Variants in ZNF407 observed in about 807,000 individuals in gnomAD.
The protein encoded by ZNF407 is zinc finger protein 407.
Under a neutral mutation model 131.2 loss-of-function variants are expected in ZNF407, and 17 were observed. The observed-to-expected ratio is 0.13, with a 90% CI of 0.09 to 0.19. ZNF407 has a LOEUF of 0.19. Among genes scored for constraint, ZNF407 ranks in the 10% least tolerant of loss-of-function variants. The pLI is 1.00. For synonymous variants in ZNF407, 1,156 were observed against 1,062.0 expected, an observed-to-expected ratio of 1.09 and a Z score of -1.72; for missense variants, 2,681 against 2,830.6, an observed-to-expected ratio of 0.95 and a Z score of 1.20.
intron 3 of ZNF407, among the ~76,000 whole-genome samples, chr18:74,751,700 A>G (rs1968807645): frequency 6.6e-6 from 1 of 152,096 alleles, no homozygotes; most frequent in Non-Finnish European, 1.5e-5. Context: ...AAGGACATGA[A>G]CTCATCCTTT....
In ZNF407 at chr18:74,633,917, T is replaced by G; in HGVS notation, c.2898T>G (p.Ile966Met). The change falls in exon 2 of 9, where the codon ATT becomes ATG. Residue 966 changes from isoleucine to methionine, a missense_variant. Coordinates refer to ENST00000299687, the MANE Select transcript of ZNF407 (RefSeq NM_017757.3). ...AGAAGCCAGATCGTGGAAACTCAAT[T>G]GAAGCTGAAGTTGAAAATGTATTTC... ...VLEKPDRGNS[I>M]EAEVENVFHS... is the part of the protein sequence containing the mutation. The G allele has an allele frequency of 6.2e-7, 1 of 1,614,002 alleles. No individual in the cohort carries two copies. The highest frequency in any genetic ancestry group is 8.5e-7 in the Non-Finnish European group (1 of 1,179,894).
chr18:74,666,426 T>A (rs552489426), intron 3 of ZNF407, among the ~76,000 whole-genome samples: 1 of 152,234 alleles, frequency 6.6e-6, no homozygotes, highest in African/African-American at 2.4e-5. Context: ...GACGAAAGCC[T>A]TATTCCCTCC....
At chr18:74,841,754 A>G (rs1034433931) in intron 4 of ZNF407, among the ~76,000 whole-genome samples, 1 of 152,222 alleles carries the variant, frequency 6.6e-6, no homozygotes, top group Non-Finnish European at 1.5e-5. Flanking sequence ...CCATGTGCAT[A>G]GATTTTAGGA....
chr18:74,908,864 T>G (rs1227917337), intron 7 of ZNF407, among the ~76,000 whole-genome samples: 1 of 152,078 alleles, frequency 6.6e-6, no homozygotes, highest in Non-Finnish European at 1.5e-5. Flanking sequence ...ACTTTGAACA[T>G]TTTTTGTCTT....
intron 4 of ZNF407, among the ~76,000 whole-genome samples, chr18:74,812,273 G>A (rs925808256): frequency 6.6e-6 from 1 of 152,062 alleles, no homozygotes; most frequent in Non-Finnish European, 1.5e-5. Context: ...ATTTGAGAAG[G>A]TTGTGAAATG....
chr18:75,028,333 T>C (rs1187506122), intron 8 of ZNF407, among the ~76,000 whole-genome samples: 1 of 152,184 alleles, frequency 6.6e-6, no homozygotes, highest in Non-Finnish European at 1.5e-5. Flanking sequence ...TGGATGACCG[T>C]CTTCCCTGTG....
At chr18:74,672,115 C>CT (rs1211743219) in intron 3 of ZNF407, among the ~76,000 whole-genome samples, 1 of 152,078 alleles carries the variant, frequency 6.6e-6, no homozygotes, top group Non-Finnish European at 1.5e-5. Context: ...GATTTTAGCT[C>CT]TTTGAGGAAT....
intron 4 of ZNF407, among the ~76,000 whole-genome samples, chr18:74,835,936 A>G (rs1970552904): frequency 6.6e-6 from 1 of 151,490 alleles, no homozygotes; most frequent in Non-Finnish European, 1.5e-5. Context: ...CAGTTTAGTT[A>G]CAGCTGAATG....
intron 3 of ZNF407, among the ~76,000 whole-genome samples, chr18:74,686,016 A>G (rs1599068788): frequency 6.6e-6 from 1 of 152,232 alleles, no homozygotes; most frequent in Non-Finnish European, 1.5e-5. Context: ...ATCGGCGCTT[A>G]ATAAGTAAAA....
At chr18:74,905,217 A>G (rs534740744) in intron 7 of ZNF407, 3 of 152,396 alleles carry the variant, frequency 2.0e-5, no homozygotes, top group Admixed American at 1.3e-4. Flanking sequence ...ACACATAGGA[A>G]GGTAGACTTC....
intron 8 of ZNF407, among the ~76,000 whole-genome samples, chr18:74,922,984 G>C (rs1971866634): frequency 6.6e-6 from 1 of 152,138 alleles, no homozygotes; most frequent in Admixed American, 6.5e-5. Flanking sequence ...CCATCTAAAT[G>C]GGATCATTTA....
chr18:74,684,175 T>TAC (rs1004049248), intron 3 of ZNF407, among the ~76,000 whole-genome samples: 2 of 152,140 alleles, frequency 1.3e-5, no homozygotes, highest in Non-Finnish European at 2.9e-5. Context: ...TAAGGAGTTT[T>TAC]GTAGATCTTT....
chr18:74,995,629 G>C (rs577742044), intron 8 of ZNF407, among the ~76,000 whole-genome samples: 1 of 152,226 alleles, frequency 6.6e-6, no homozygotes, highest in Non-Finnish European at 1.5e-5. Flanking sequence ...TATCAATGAA[G>C]TCTTAATCTT....
chr18:74,891,596 G>A (rs547635389), intron 7 of ZNF407, among the ~76,000 whole-genome samples: 17 of 151,922 alleles, frequency 1.1e-4, no homozygotes, highest in Non-Finnish European at 2.4e-4. Flanking sequence ...TTCTGTCTTC[G>A]CTTAACACTG....
intron 4 of ZNF407, among the ~76,000 whole-genome samples, chr18:74,853,412 G>A (rs777170291): frequency 1.0e-3 from 152 of 152,272 alleles, no homozygotes; most frequent in Non-Finnish European, 1.8e-3. Flanking sequence ...TTACCACTCA[G>A]GAACACATCC....
chr18:74,612,374 ATTTT>A (rs1983101208), intron 1 of ZNF407, among the ~76,000 whole-genome samples: 1 of 152,156 alleles, frequency 6.6e-6, no homozygotes, highest in Admixed American at 6.5e-5. Context: ...ATTTTGTTAT[ATTTT>A]GCACAACACC....
intron 8 of ZNF407, among the ~76,000 whole-genome samples, chr18:74,983,517 T>C (rs1005821498): frequency 1.3e-5 from 2 of 152,202 alleles, no homozygotes; most frequent in Non-Finnish European, 2.9e-5. Context: ...TAGCACATAA[T>C]TAGTGGCTAG....
chr18:74,752,454 C>G (rs1222145782), intron 3 of ZNF407, among the ~76,000 whole-genome samples: 17 of 152,262 alleles, frequency 1.1e-4, no homozygotes, highest in South Asian at 2.1e-4. Flanking sequence ...TTGCCCATGC[C>G]TATGTCCTGA....
At chr18:75,010,013 G>A (rs182536287) in intron 8 of ZNF407, among the ~76,000 whole-genome samples, 1 of 152,288 alleles carries the variant, frequency 6.6e-6, no homozygotes, top group Non-Finnish European at 1.5e-5. Context: ...GAAAGGGTGT[G>A]AAAGTGTAGA....
Sources: gnomAD v4.1 joint callset for allele counts (sites outside exome capture counted in the v4.1 genomes callset) on GRCh38, gnomAD v4.1.1 for gene constraint, MANE v1.5 for transcripts, NCBI Gene and HGNC (gene_info 2026-07-23, HGNC 2026-07-21) for gene names.